GRM7: variants seen among roughly 807,000 people sequenced by gnomAD.
GRM7 encodes metabotropic glutamate receptor 7.
GRM7 carries 35 observed loss-of-function variants against 84.5 expected under a neutral mutation model. The ratio of observed to expected loss-of-function variants is 0.41; its 90% CI spans 0.32 to 0.55. GRM7 has a LOEUF of 0.55. GRM7 is among the 20% of genes least tolerant of loss of function. The pLI, the probability that GRM7 is intolerant of heterozygous loss-of-function variation, is 0.19. For synonymous variants in GRM7, 487 were observed against 455.1 expected (o/e 1.07, Z -0.89); for missense variants, 1,003 against 1,194.6 (o/e 0.84, Z 2.36).
At chr3:7,241,646 A>C (rs1575071477) in intron 2 of GRM7, among the ~76,000 whole-genome samples, 1 of 152,086 alleles carries the variant, frequency 6.6e-6, no homozygotes, top group Admixed American at 6.6e-5. Flanking sequence ...TGATGAGTAC[A>C]GAAGTGAACA....
intron 8 of GRM7, among the ~76,000 whole-genome samples, chr3:7,652,022 A>T (rs570854068): frequency 2.0e-4 from 30 of 152,292 alleles, no homozygotes; most frequent in African/African-American, 6.7e-4. Context: ...TTTGACCAAC[A>T]TTTGGGGGGA....
At chr3:7,588,701 C>T (rs1046310806) in intron 8 of GRM7, among the ~76,000 whole-genome samples, 9 of 152,106 alleles carry the variant, frequency 5.9e-5, no homozygotes, top group African/African-American at 1.4e-4. Flanking sequence ...TTGAAGCTCT[C>T]GATGTCTCTA....
At chr3:7,060,732 C>T (rs201665614) in intron 1 of GRM7, among the ~76,000 whole-genome samples, 26 of 151,632 alleles carry the variant, frequency 1.7e-4, no homozygotes, top group South Asian at 4.1e-4. Flanking sequence ...GTTTCTTTAA[C>T]GCCTAGAAAT....
At chr3:7,615,263 GT>G (rs891248047) in intron 8 of GRM7, among the ~76,000 whole-genome samples, 2 of 151,514 alleles carry the variant, frequency 1.3e-5, no homozygotes, top group Non-Finnish European at 2.9e-5. Context: ...TCTCTTATGA[GT>G]TTTGGAAATT....
At chr3:7,195,853 A>T (rs748889330) in intron 2 of GRM7, among the ~76,000 whole-genome samples, 2 of 152,158 alleles carry the variant, frequency 1.3e-5, no homozygotes, top group Admixed American at 1.3e-4. Flanking sequence ...GTGGCTTCCC[A>T]TTTTAACCTT....
chr3:7,658,960 C>T lies in GRM7; in HGVS notation c.2452-21089C>T, dbSNP rs541808842. ...AAATATAATATTGAGAATTTATATA[C>T]CAAAGATTTCTTTGCATTTTTCACA... is the stretch of plus-strand genomic sequence containing the variant. On this transcript the variant is annotated intron_variant, in intron 8 of 9. Transcript: ENST00000357716. 1.1e-3 allele frequency among the ~76,000 whole-genome samples: 165 copies of T among 152,140 alleles called. 2 individuals carry two copies. Among genetic ancestry groups the T allele is most frequent in the Admixed American group, 0.011 (164 of 15,278 alleles).
chr3:7,227,321 T>TCTGTATAC (rs1456481783), intron 2 of GRM7, among the ~76,000 whole-genome samples: 1 of 152,208 alleles, frequency 6.6e-6, no homozygotes, highest in African/African-American at 2.4e-5. Flanking sequence ...TAATTTGGCA[T>TCTGTATAC]CTGTATACAA....
At chr3:7,103,161 A>G (rs1317929175) in intron 1 of GRM7, among the ~76,000 whole-genome samples, 3 of 151,756 alleles carry the variant, frequency 2.0e-5, no homozygotes, top group African/African-American at 7.3e-5. Flanking sequence ...TCCAGATTCT[A>G]TTATCTTTCT....
At chr3:7,574,491 A>G (rs752144148) in intron 7 of GRM7, among the ~76,000 whole-genome samples, 14 of 152,196 alleles carry the variant, frequency 9.2e-5, no homozygotes, top group Admixed American at 2.0e-4. Flanking sequence ...AATGGCTACT[A>G]TAGCTCTAAC....
At chr3:7,569,352 G>A (rs976027091) in intron 7 of GRM7, among the ~76,000 whole-genome samples, 15 of 152,116 alleles carry the variant, frequency 9.9e-5, no homozygotes, top group African/African-American at 3.6e-4. Flanking sequence ...CGCTGGTGGG[G>A]ACTTGGAGAA....
At chr3:7,724,444 A>G (rs1318128853) in intron 9 of GRM7, among the ~76,000 whole-genome samples, 1 of 152,144 alleles carries the variant, frequency 6.6e-6, no homozygotes, top group African/African-American at 2.4e-5. Flanking sequence ...CACATTCAAT[A>G]AGTTTAGATA....
chr3:7,655,119 T>C (rs1699121967), intron 8 of GRM7, among the ~76,000 whole-genome samples: 1 of 152,158 alleles, frequency 6.6e-6, no homozygotes, highest in South Asian at 2.1e-4. Flanking sequence ...CAGGGACATC[T>C]GTGGTGGGTT....
intron 8 of GRM7, among the ~76,000 whole-genome samples, chr3:7,604,012 A>T (rs1696444945): frequency 6.6e-6 from 1 of 152,140 alleles, no homozygotes; most frequent in Non-Finnish European, 1.5e-5. Context: ...GGTAGAATTT[A>T]TCTTTTTGTC....
chr3:7,213,440 AG>A, intron 2 of GRM7, among the ~76,000 whole-genome samples: 1 of 152,210 alleles, frequency 6.6e-6, no homozygotes. Flanking sequence ...TTAATGTTAC[AG>A]ACTGAATGAA....
At chr3:7,342,556 G>C (rs1396966899) in intron 4 of GRM7, among the ~76,000 whole-genome samples, 1 of 152,124 alleles carries the variant, frequency 6.6e-6, no homozygotes, top group Admixed American at 6.6e-5. Flanking sequence ...AACCTATCCT[G>C]TTCAAGTCTG....
intron 1 of GRM7, among the ~76,000 whole-genome samples, chr3:7,018,662 A>G (rs1695662590): frequency 6.6e-6 from 1 of 152,214 alleles, no homozygotes; most frequent in Admixed American, 6.5e-5. Flanking sequence ...GAGGGAAGCT[A>G]GTCAGAGCAA....
intron 4 of GRM7, among the ~76,000 whole-genome samples, chr3:7,328,047 G>A (rs1015850685): frequency 7.2e-5 from 11 of 152,070 alleles, no homozygotes; most frequent in Admixed American, 7.2e-4. Flanking sequence ...TTGAACACAG[G>A]GCCCTCTAAT....
chr3:7,146,363 C>T (rs946116701), intron 1 of GRM7, 89 bp from the exon 2 acceptor site: 2 of 1,026,278 alleles, frequency 1.9e-6, no homozygotes, highest in Admixed American at 1.7e-5. Flanking sequence ...CAGCTCAAAC[C>T]CTGTATTTTA....
intron 1 of GRM7, among the ~76,000 whole-genome samples, chr3:6,897,658 C>T (rs1559315235): frequency 6.6e-6 from 1 of 152,206 alleles, no homozygotes; most frequent in Non-Finnish European, 1.5e-5. Flanking sequence ...TGTATTAACT[C>T]ATCCTGAAGA....
Sources: gnomAD v4.1 joint callset for allele counts (sites outside exome capture counted in the v4.1 genomes callset) on GRCh38, gnomAD v4.1.1 for gene constraint, MANE v1.5 for transcripts, NCBI Gene and HGNC (gene_info 2026-07-23, HGNC 2026-07-21) for gene names.